ZMIZ1: variants seen among roughly 807,000 people sequenced by gnomAD.
ZMIZ1 encodes the protein zinc finger MIZ-type containing 1.
A neutral mutation model predicts 113.9 loss-of-function variants in ZMIZ1; 17 were observed. The ratio of observed to expected loss-of-function variants is 0.15; its 90% CI spans 0.10 to 0.22. ZMIZ1 has a LOEUF of 0.22. Ranked by LOEUF, ZMIZ1 falls within the 10% of genes least tolerant of loss-of-function variation. The pLI is 1.00. For missense variants in ZMIZ1, 1,059 were observed against 1,477.8 expected (o/e 0.72, Z 4.65); for synonymous variants, 607 against 603.1 (o/e 1.01, Z -0.09).
intron 5 of ZMIZ1, among the ~76,000 whole-genome samples, chr10:79,206,590 C>T (rs1482956609): frequency 6.6e-6 from 1 of 152,216 alleles, no homozygotes; most frequent in Non-Finnish European, 1.5e-5. Context: ...TGAAATTACT[C>T]CTGTCTCACA....
In ZMIZ1 at chr10:79,205,792, G is replaced by GGGAGGCACAGAGAGT. The variant is rs1447199769; in HGVS notation, c.61-2539_61-2538insCACAGAGAGTGGAGG. On this transcript the variant is annotated intron_variant, in intron 5 of 24. Coordinates refer to ENST00000334512, the MANE Select transcript of ZMIZ1 (RefSeq NM_020338.4). ...AAATAGGTGACAAGGGCACAGAGAG[G>GGGAGGCACAGAGAGT]GGAGGGGGCTTGACCAAGGCCAAAG... Among the ~76,000 whole-genome samples, 23 of 152,268 alleles carry GGGAGGCACAGAGAGT rather than the reference G, an allele frequency of 1.5e-4. No individual in the cohort carries two copies. In the East Asian group the frequency reaches 4.4e-3, roughly 29 times the overall value.
chr10:79,288,425 T>C (rs1296860032), intron 8 of ZMIZ1, among the ~76,000 whole-genome samples: 2 of 152,204 alleles, frequency 1.3e-5, no homozygotes, highest in Non-Finnish European at 2.9e-5. Flanking sequence ...TGCCATTTGC[T>C]GTCTCCTGTG....
chr10:79,243,962 T>C (rs1460137947), intron 7 of ZMIZ1, among the ~76,000 whole-genome samples: 1 of 152,168 alleles, frequency 6.6e-6, no homozygotes, highest in African/African-American at 2.4e-5. Flanking sequence ...GGCCTTCATT[T>C]CTCTTTGGGG....
Position 79,311,033 on chromosome 10 carries a change from C to G in ZMIZ1, c.2945C>G (p.Pro982Arg). 2 of 1,613,670 alleles carry G rather than the reference C, an allele frequency of 1.2e-6. No homozygotes were observed. The highest frequency in any genetic ancestry group is 1.7e-6 in the Non-Finnish European group (2 of 1,179,950). The change falls in exon 24 of 25, where the codon CCT becomes CGT. Residue 982 changes from proline to arginine, a missense_variant. Transcript: ENST00000334512. ...CCTCCATTACATCACAGTGGGGCTC[C>G]TCCTCCTCCTCCTTCCCAGCCTCCC... ...SGPPLHHSGA[P>R]PPPPSQPPRQ...
chr10:79,283,646 A>G (rs993044694), intron 8 of ZMIZ1, among the ~76,000 whole-genome samples: 6 of 152,230 alleles, frequency 3.9e-5, no homozygotes, highest in African/African-American at 7.2e-5. Context: ...TTTAAAAACA[A>G]AAAAAGAAGG....
chr10:79,279,050 C>T (rs1275534126), intron 8 of ZMIZ1, among the ~76,000 whole-genome samples: 6 of 145,502 alleles, frequency 4.1e-5, no homozygotes, highest in Admixed American at 6.8e-5. Flanking sequence ...GACGGGGCGG[C>T]GGCCGGGCGG....
intron 4 of ZMIZ1, among the ~76,000 whole-genome samples, chr10:79,190,832 G>A (rs1847569598): frequency 6.6e-6 from 1 of 152,166 alleles, no homozygotes; most frequent in Admixed American, 6.5e-5. Context: ...AAAGAACCTG[G>A]CTGTGACTCT....
At chr10:79,220,436 C>T (rs532614730) in intron 7 of ZMIZ1, among the ~76,000 whole-genome samples, 4 of 152,250 alleles carry the variant, frequency 2.6e-5, no homozygotes, top group South Asian at 4.1e-4. Flanking sequence ...GGCACAGCCC[C>T]GGTGTGCCTG....
intron 7 of ZMIZ1, among the ~76,000 whole-genome samples, chr10:79,230,344 C>T (rs1849346447): frequency 6.6e-6 from 1 of 152,218 alleles, no homozygotes; most frequent in African/African-American, 2.4e-5. Context: ...CGGCTATCTG[C>T]TCACAGGCTG....
At chr10:79,089,990 G>A (rs1036571489) in intron 1 of ZMIZ1, among the ~76,000 whole-genome samples, 6 of 152,204 alleles carry the variant, frequency 3.9e-5, no homozygotes, top group African/African-American at 1.4e-4. Flanking sequence ...TCATTATGCA[G>A]GATTAAGCCT....
At position 79,069,844 on chromosome 10, in the gene ZMIZ1, G is replaced by T. The variant is rs367786838; in HGVS notation, c.-337+574G>T. 1.2e-3 allele frequency among the ~76,000 whole-genome samples: 184 copies of T among 152,104 alleles called. No individual in the cohort carries two copies. Among genetic ancestry groups the T allele is most frequent in the African/African-American group, 4.3e-3 (177 of 41,530 alleles). ...GTGGGGGCGCGGTTAAGTTGTTTGT[G>T]TGGGAATTGCCCGGGGAAAGCTGGC... On this transcript the variant is annotated intron_variant, in intron 1 of 24. Coordinates refer to ENST00000334512, the MANE Select transcript of ZMIZ1 (RefSeq NM_020338.4). The surrounding 1 kb of genome is among the most constrained non-coding windows in gnomAD (Gnocchi z 4.6).
intron 14 of ZMIZ1, among the ~76,000 whole-genome samples, chr10:79,297,982 G>A (rs1022655263): frequency 6.6e-6 from 1 of 152,178 alleles, no homozygotes; most frequent in Non-Finnish European, 1.5e-5. Context: ...CTCCACCTGG[G>A]GACCCTGATG....
In ZMIZ1 at chr10:79,240,638, C is replaced by CTTTTTTTTTTTTTTTTTTTTTTTT. The variant is rs56903717; in HGVS notation, c.280+24368_280+24391dup. ...CGTAAATCTAGTGAAGAGTATTTATCTTTTTTTTTTTTTTTTTTTTTTTTT... is the reference window on the plus strand; with the variant it reads ...CGTAAATCTAGTGAAGAGTATTTATCTTTTTTTTTTTTTTTTTTTTTTTTTTTTTTTTTTTTTTTTTTTTTTTTT... On this transcript the variant is annotated intron_variant, in intron 7 of 24. Transcript: ENST00000334512. Among the ~76,000 whole-genome samples, 13 of 55,322 alleles carry CTTTTTTTTTTTTTTTTTTTTTTTT rather than the reference C, an allele frequency of 2.3e-4. 2 individuals carry two copies. The highest frequency in any genetic ancestry group is 1.9e-3 in the East Asian group (2 of 1,032). 36.3% of individuals were successfully genotyped at this position (55,322 alleles called of 152,430 possible).
chr10:79,153,577 C>G (rs1306289172), intron 3 of ZMIZ1, among the ~76,000 whole-genome samples: 2 of 152,266 alleles, frequency 1.3e-5, no homozygotes, highest in African/African-American at 4.8e-5. Flanking sequence ...GCTGTCCTTG[C>G]GGGAGAGACC....
intron 7 of ZMIZ1, among the ~76,000 whole-genome samples, chr10:79,271,864 G>C (rs539892807): frequency 3.7e-4 from 56 of 152,154 alleles, no homozygotes; most frequent in Non-Finnish European, 6.9e-4. Context: ...CTTCTGTCTG[G>C]AAGGCTCTTT....
At position 79,314,338 on chromosome 10, in the gene ZMIZ1, C is replaced by A; in HGVS notation, c.*1589C>A. Reference sequence around the variant, plus strand: ...GGCTGCTGCCTGGGGCCCTTTCCTGCTCTCCCGTCCGCTGTGGGTGGTCCC... The same window carrying A: ...GGCTGCTGCCTGGGGCCCTTTCCTGATCTCCCGTCCGCTGTGGGTGGTCCC... On this transcript the variant is annotated 3_prime_UTR_variant, in exon 25 of 25. Transcript: ENST00000334512. The A allele has an allele frequency of 2.3e-6, 1 of 440,036 alleles. No homozygotes were observed. Among genetic ancestry groups the A allele is most frequent in the Admixed American group, 2.4e-5 (1 of 41,866 alleles). 27.3% of individuals were successfully genotyped at this position (440,036 alleles called of 1,614,324 possible).
chr10:79,217,350 A>G (rs1331750127), intron 7 of ZMIZ1, among the ~76,000 whole-genome samples: 1 of 152,136 alleles, frequency 6.6e-6, no homozygotes, highest in African/African-American at 2.4e-5. Flanking sequence ...GCGTGAACCC[A>G]GGAGGCGGGG....
chr10:79,267,283 G>T (rs1019844911), intron 7 of ZMIZ1, among the ~76,000 whole-genome samples: 4 of 152,220 alleles, frequency 2.6e-5, no homozygotes, highest in South Asian at 4.1e-4. Flanking sequence ...GTGGTGTGAG[G>T]CTGGGCACTC....
intron 7 of ZMIZ1, among the ~76,000 whole-genome samples, chr10:79,273,436 A>G (rs968895873): frequency 1.3e-5 from 2 of 152,140 alleles, no homozygotes; most frequent in African/African-American, 4.8e-5. Context: ...ATCTCAGATC[A>G]CTGCAGCCTC....
Sources: allele counts gnomAD v4.1 joint callset (sites outside exome capture counted in the v4.1 genomes callset), GRCh38; gene constraint gnomAD v4.1.1; non-coding constraint Gnocchi (gnomAD v3.1); transcripts MANE v1.5; gene names NCBI Gene and HGNC (gene_info 2026-07-23, HGNC 2026-07-21).